SFMBT1: variants seen among roughly 807,000 people sequenced by gnomAD.
SFMBT1 encodes the protein Scm like with four mbt domains 1.
A neutral mutation model predicts 108.7 loss-of-function variants in SFMBT1; 32 were observed. The ratio of observed to expected loss-of-function variants is 0.29; its 90% CI spans 0.22 to 0.40. The LOEUF is 0.40. SFMBT1 is among the 10% of genes least tolerant of loss of function. The probability of loss-of-function intolerance (pLI) is 1.00; values close to 1 mark genes in which losing one functional copy is unlikely to be tolerated. For missense variants in SFMBT1, 816 were observed against 1,059.6 expected (o/e 0.77, Z 3.19); for synonymous variants, 348 against 369.5 (o/e 0.94, Z 0.67).
intron 1 of SFMBT1, among the ~76,000 whole-genome samples, chr3:52,993,240 C>G (rs1480850555): frequency 7.1e-6 from 1 of 141,280 alleles, no homozygotes; most frequent in Non-Finnish European, 1.6e-5. Context: ...ACTGTGTAGT[C>G]CATATGCTAA....
At chr3:53,010,040 G>A (rs186379516) in intron 1 of SFMBT1, among the ~76,000 whole-genome samples, 62 of 152,154 alleles carry the variant, frequency 4.1e-4, no homozygotes, top group African/African-American at 1.5e-3. Flanking sequence ...ACTATATTTG[G>A]TTTCTATACT....
At chr3:52,930,702 T>C (rs1702830460) in intron 7 of SFMBT1, among the ~76,000 whole-genome samples, 2 of 152,234 alleles carry the variant, frequency 1.3e-5, no homozygotes, top group African/African-American at 4.8e-5. Flanking sequence ...GTTAAGACTA[T>C]GTAGTTAAGG....
intron 1 of SFMBT1, among the ~76,000 whole-genome samples, chr3:53,000,550 TATAA>T (rs1396359484): frequency 6.7e-6 from 1 of 149,908 alleles, no homozygotes; most frequent in East Asian, 1.9e-4. Context: ...CAGGGGACTA[TATAA>T]ATACATATAT....
chr3:52,996,207 T>G (rs903230204), intron 1 of SFMBT1, among the ~76,000 whole-genome samples: 2 of 55,360 alleles, frequency 3.6e-5, no homozygotes, highest in Non-Finnish European at 6.6e-5. Flanking sequence ...TAAACAATCC[T>G]TTTTTTTTTT....
At chr3:52,970,449 G>C (rs62253650) in intron 1 of SFMBT1, among the ~76,000 whole-genome samples, 3,156 of 152,226 alleles carry the variant, frequency 0.021, 45 homozygotes, top group Non-Finnish European at 0.032. Flanking sequence ...CAGTATGGAT[G>C]AATCTATTTA....
intron 1 of SFMBT1, among the ~76,000 whole-genome samples, chr3:52,982,029 C>A (rs554356637): frequency 6.6e-6 from 1 of 151,950 alleles, no homozygotes; most frequent in Non-Finnish European, 1.5e-5. Flanking sequence ...TTTGACAATG[C>A]CCCCAAGCCA....
chr3:52,940,475 G>A (rs1703145797), intron 4 of SFMBT1, among the ~76,000 whole-genome samples: 1 of 152,124 alleles, frequency 6.6e-6, no homozygotes, highest in African/African-American at 2.4e-5. Context: ...GAAATATAAA[G>A]TAAAGGATTA....
chr3:52,945,136 TAAA>T (rs367727549), intron 3 of SFMBT1, among the ~76,000 whole-genome samples: 3 of 48,510 alleles, frequency 6.2e-5, no homozygotes, highest in Non-Finnish European at 1.4e-4. Context: ...ACCTTCCAAT[TAAA>T]AAAAAAAAAA....
intron 1 of SFMBT1, among the ~76,000 whole-genome samples, chr3:52,999,299 A>C (rs1422999088): frequency 6.7e-6 from 1 of 150,258 alleles, no homozygotes; most frequent in East Asian, 2.0e-4. Flanking sequence ...GGCCAAGCAC[A>C]GCCGTGGACA....
intron 2 of SFMBT1, among the ~76,000 whole-genome samples, chr3:52,966,567 G>A (rs1390115547): frequency 7.1e-6 from 1 of 140,934 alleles, no homozygotes; most frequent in Non-Finnish European, 1.5e-5. Context: ...GGAGCTTGCA[G>A]TGAGCCGAGA....
chr3:53,027,059 A>AG (rs1348980605), intron 1 of SFMBT1, among the ~76,000 whole-genome samples: 1 of 152,200 alleles, frequency 6.6e-6, no homozygotes, highest in Non-Finnish European at 1.5e-5. Flanking sequence ...CTAGGATTAT[A>AG]GGCATGACCC....
chr3:52,965,709 TA>T (rs917112918), intron 2 of SFMBT1, among the ~76,000 whole-genome samples: 4 of 150,744 alleles, frequency 2.7e-5, no homozygotes, highest in African/African-American at 7.3e-5. Flanking sequence ...AGACCTCCTT[TA>T]AAAAAAAGAC....
intron 1 of SFMBT1, among the ~76,000 whole-genome samples, chr3:53,033,404 A>G (rs994137052): frequency 7.3e-5 from 11 of 151,650 alleles, no homozygotes; most frequent in Admixed American, 1.3e-4. Flanking sequence ...CAAGTGATCC[A>G]CCCGCCTCGG....
At chr3:52,940,153 A>G (rs1703137324) in intron 4 of SFMBT1, among the ~76,000 whole-genome samples, 1 of 152,340 alleles carries the variant, frequency 6.6e-6, no homozygotes, top group South Asian at 2.1e-4. Flanking sequence ...ATGAGATGGT[A>G]GGCCAGGTGG....
intron 1 of SFMBT1, among the ~76,000 whole-genome samples, chr3:53,034,435 G>A (rs1486455991): frequency 2.0e-5 from 3 of 151,824 alleles, no homozygotes; most frequent in Non-Finnish European, 4.4e-5. Context: ...AAATTAGCTG[G>A]GTGTGGTGGT....
chr3:52,996,139 G>T lies in SFMBT1; in HGVS notation c.-130-26881C>A, dbSNP rs1414862882. Among the ~76,000 whole-genome samples, 25 of 138,804 alleles carry T rather than the reference G, an allele frequency of 1.8e-4. 2 individuals are homozygous for T. Among genetic ancestry groups the T allele is most frequent in the Non-Finnish European group, 4.8e-5 (3 of 63,038 alleles). The allele number at this position is 138,804 out of a possible 152,430, so 91.1% of individuals were successfully genotyped here. On this transcript the variant is annotated intron_variant, in intron 1 of 20. Transcript: ENST00000394752. ...AAAAGACAAGCCAGAGGCTTAAAAAGAAATTTTTTTGCAAAACATATACCT... is the reference window on the plus strand; with the variant it reads ...AAAAGACAAGCCAGAGGCTTAAAAATAAATTTTTTTGCAAAACATATACCT...
chr3:53,016,036 A>G (rs967794483), intron 1 of SFMBT1, among the ~76,000 whole-genome samples: 1 of 152,122 alleles, frequency 6.6e-6, no homozygotes, highest in African/African-American at 2.4e-5. Flanking sequence ...ACAGTATACT[A>G]TGGTTTTTCT....
intron 1 of SFMBT1, among the ~76,000 whole-genome samples, chr3:52,969,975 C>A (rs72961745): frequency 1.3e-5 from 2 of 151,950 alleles, no homozygotes; most frequent in East Asian, 3.9e-4. Flanking sequence ...TGGTGGCGCA[C>A]GCCTGTAGTT....
intron 1 of SFMBT1, among the ~76,000 whole-genome samples, chr3:53,029,051 T>TATAC (rs1699592078): frequency 6.6e-6 from 1 of 151,626 alleles, no homozygotes; most frequent in African/African-American, 2.4e-5. Flanking sequence ...CGGGCGCCTG[T>TATAC]AGTCCCAGCT....
Sources: gnomAD v4.1 joint callset for allele counts (sites outside exome capture counted in the v4.1 genomes callset) on GRCh38, gnomAD v4.1.1 for gene constraint, MANE v1.5 for transcripts, NCBI Gene and HGNC (gene_info 2026-07-23, HGNC 2026-07-21) for gene names.